LEMD3: variants seen among roughly 807,000 people sequenced by gnomAD.
The protein encoded by LEMD3 is inner nuclear membrane protein Man1.
LEMD3 carries 33 observed loss-of-function variants against 95.2 expected under a neutral mutation model. The ratio of observed to expected loss-of-function variants is 0.35; its 90% CI spans 0.26 to 0.46. LEMD3 has a LOEUF of 0.46. Among genes scored for constraint, LEMD3 ranks in the 20% least tolerant of loss-of-function variants. LEMD3 has a pLI of 1.00. For missense variants in LEMD3, 1,210 were observed against 1,192.8 expected, an observed-to-expected ratio of 1.01 and a Z score of -0.21; for synonymous variants, 525 against 474.6, an observed-to-expected ratio of 1.11 and a Z score of -1.38.
intron 2 of LEMD3, among the ~76,000 whole-genome samples, chr12:65,213,314 C>T (rs1870000879): frequency 6.6e-6 from 1 of 152,146 alleles, no homozygotes; most frequent in African/African-American, 2.4e-5. Context: ...CAGCCTCAAC[C>T]TCCTGGGCTC....
At chr12:65,232,967 T>C (rs1387753707) in intron 4 of LEMD3, among the ~76,000 whole-genome samples, 1 of 152,180 alleles carries the variant, frequency 6.6e-6, no homozygotes, top group Non-Finnish European at 1.5e-5. Context: ...TGCTAATTAC[T>C]GTTAATAAAA....
intron 1 of LEMD3, among the ~76,000 whole-genome samples, chr12:65,185,450 T>C (rs2136321490): frequency 6.6e-6 from 1 of 152,194 alleles, no homozygotes; most frequent in Admixed American, 6.5e-5. Context: ...TAATAAATAA[T>C]TTGCCTTTCA....
chr12:65,210,607 G>A (rs956384849), intron 1 of LEMD3, among the ~76,000 whole-genome samples: 4 of 152,126 alleles, frequency 2.6e-5, no homozygotes, highest in Non-Finnish European at 5.9e-5. Flanking sequence ...ACAATTTAGA[G>A]TAGCTAATTA....
chr12:65,177,730 TTTAAAAAATATTTTTACTTC>T (rs1030378133), intron 1 of LEMD3, among the ~76,000 whole-genome samples: 1 of 152,182 alleles, frequency 6.6e-6, no homozygotes, highest in Non-Finnish European at 1.5e-5. Flanking sequence ...GTCATTGTCG[TTTAAAAAATATTTTTACTTC>T]TTAAAGTAGA....
intron 2 of LEMD3, among the ~76,000 whole-genome samples, chr12:65,214,928 T>C (rs1293163372): frequency 6.6e-6 from 1 of 152,172 alleles, no homozygotes; most frequent in Non-Finnish European, 1.5e-5. Context: ...GGCTGTACCA[T>C]TGCAATAATT....
At chr12:65,224,686 CAT>C (rs1290461354) in intron 4 of LEMD3, among the ~76,000 whole-genome samples, 1 of 152,132 alleles carries the variant, frequency 6.6e-6, no homozygotes, top group Non-Finnish European at 1.5e-5. Flanking sequence ...TTGAACATAA[CAT>C]GTCTGAATAT....
At chr12:65,184,271 CA>C (rs11308650) in intron 1 of LEMD3, among the ~76,000 whole-genome samples, 4,612 of 152,230 alleles carry the variant, frequency 0.03, 235 homozygotes, top group African/African-American at 0.11. Flanking sequence ...GAAAAACAGG[CA>C]GTCCCTAATT....
rs76804829 is a variant in LEMD3, at chr12:65,189,628, A to T, written c.1522+18510A>T. On this transcript the variant is annotated intron_variant, in intron 1 of 12. Transcript: ENST00000308330. ...GCACAAGGGTGCCCTGTAGTTTTCT[A>T]CTGAAACATAATTTTTCTCTCTACA... Among the ~76,000 whole-genome samples the T allele has an allele frequency of 0.015, 2,327 of 152,314 alleles. 88 individuals are homozygous for T. In the East Asian group the frequency reaches 0.17, roughly 11 times the overall value.
chr12:65,186,756 C>T (rs993046967), intron 1 of LEMD3, among the ~76,000 whole-genome samples: 5 of 150,572 alleles, frequency 3.3e-5, no homozygotes, highest in African/African-American at 1.2e-4. Context: ...GATGAAGAAC[C>T]ATAGTACAAA....
intron 4 of LEMD3, among the ~76,000 whole-genome samples, chr12:65,223,709 T>C (rs1870362138): frequency 6.6e-6 from 1 of 152,128 alleles, no homozygotes; most frequent in African/African-American, 2.4e-5. Flanking sequence ...TTTGGGAGTT[T>C]AGTCCATTTA....
intron 2 of LEMD3, among the ~76,000 whole-genome samples, chr12:65,214,881 G>A (rs1385403607): frequency 6.6e-6 from 1 of 152,064 alleles, no homozygotes. Flanking sequence ...TCTTAAATTG[G>A]AGGTCTTGTT....
chr12:65,223,325 A>G (rs1193931947), intron 4 of LEMD3, among the ~76,000 whole-genome samples: 1 of 128,922 alleles, frequency 7.8e-6, no homozygotes, highest in Non-Finnish European at 1.6e-5. Context: ...TTTTTTTGAG[A>G]CAGAGTCTAG....
intron 1 of LEMD3, among the ~76,000 whole-genome samples, chr12:65,193,818 T>A (rs1191092901): frequency 1.3e-5 from 2 of 151,580 alleles, no homozygotes; most frequent in Non-Finnish European, 2.9e-5. Context: ...CCTGACTAGC[T>A]ACCTACTGTA....
In LEMD3 at chr12:65,238,507, A is replaced by G. The variant is rs1190177129; in HGVS notation, c.1701A>G (p.Leu567=). Residue 567 remains leucine (L), a synonymous_variant, in exon 5 of 13, where the codon TTA becomes TTG. Coordinates refer to ENST00000308330, the MANE Select transcript of LEMD3 (RefSeq NM_014319.5). ...TTCTCTATTTTTCTTGTTAGGATTT[A>G]GGTCCTGAATATGAAGGTATATTTA... ...VQEAAAYLKD[L]GPEYEGIFNT... The G allele has an allele frequency of 6.3e-7, 1 of 1,588,894 alleles. No homozygotes were observed. The highest frequency in any genetic ancestry group is 1.7e-5 in the Admixed American group (1 of 59,970).
intron 10 of LEMD3, among the ~76,000 whole-genome samples, chr12:65,244,440 A>C (rs11175697): frequency 0.021 from 3,196 of 152,234 alleles, 128 homozygotes; most frequent in African/African-American, 0.074. Context: ...TTGTGATTTG[A>C]AGTGAAGTCA....
At chr12:65,204,689 A>T (rs1869709699) in intron 1 of LEMD3, among the ~76,000 whole-genome samples, 1 of 152,124 alleles carries the variant, frequency 6.6e-6, no homozygotes, top group Non-Finnish European at 1.5e-5. Flanking sequence ...CTTTGGGTAT[A>T]TTCAGTAATT....
chr12:65,214,749 AAAGT>A (rs1870048904), intron 2 of LEMD3, among the ~76,000 whole-genome samples: 1 of 152,346 alleles, frequency 6.6e-6, no homozygotes. Flanking sequence ...AGGAAGAAAG[AAAGT>A]AATAAAGACA....
At chr12:65,227,620 GTTATTA>G (rs1476918145) in intron 4 of LEMD3, among the ~76,000 whole-genome samples, 1 of 151,994 alleles carries the variant, frequency 6.6e-6, no homozygotes, top group Non-Finnish European at 1.5e-5. Flanking sequence ...TATGTAAATA[GTTATTA>G]TTATACTGTA....
At chr12:65,179,778 T>A (rs1174761249) in intron 1 of LEMD3, among the ~76,000 whole-genome samples, 4 of 152,184 alleles carry the variant, frequency 2.6e-5, no homozygotes, top group African/African-American at 9.7e-5. Context: ...AATAACATTT[T>A]AAAAAAGATG....
Sources: gnomAD v4.1 joint callset for allele counts (sites outside exome capture counted in the v4.1 genomes callset) on GRCh38, gnomAD v4.1.1 for gene constraint, MANE v1.5 for transcripts, NCBI Gene and HGNC (gene_info 2026-07-23, HGNC 2026-07-21) for gene names.